RPS6KA2: variants seen among roughly 807,000 people sequenced by gnomAD.
RPS6KA2 encodes the protein ribosomal protein S6 kinase A2, also known as ribosomal protein S6 kinase alpha-2.
Under a neutral mutation model 91.8 loss-of-function variants are expected in RPS6KA2, and 42 were observed. The observed-to-expected ratio is 0.46, with a 90% CI of 0.36 to 0.59. The LOEUF (loss-of-function observed/expected upper bound fraction) is 0.59. RPS6KA2 is among the 20% of genes least tolerant of loss of function. The pLI is 0.00. For missense variants in RPS6KA2, 798 were observed against 978.5 expected (o/e 0.82, Z 2.46); for synonymous variants, 414 against 393.6 (o/e 1.05, Z -0.61).
At chr6:166,460,752 A>G (rs1448423486) in intron 11 of RPS6KA2, 1 of 152,250 alleles carries the variant, frequency 6.6e-6, no homozygotes, top group Admixed American at 6.5e-5. Flanking sequence ...CGCAGAAAAC[A>G]TCCAGCCTGG....
rs140620423 is a variant in RPS6KA2, at chr6:166,499,817, T to C, written c.604+1070A>G. On this transcript the variant is annotated intron_variant, in intron 7 of 20. Transcript: ENST00000265678. ...TAATACAGGGACTTTCAGAACAGAC[T>C]AATACAGGGACTTTGAGAACAGACT... Among the ~76,000 whole-genome samples, 101 of 129,468 alleles carry C rather than the reference T, an allele frequency of 7.8e-4. 4 individuals carry two copies. The East Asian group carries it at 0.025, about 32-fold the overall frequency. The allele number at this position is 129,468 out of a possible 152,430, so 84.9% of individuals were successfully genotyped here.
intron 11 of RPS6KA2, among the ~76,000 whole-genome samples, chr6:166,464,424 C>T (rs924468729): frequency 1.6e-4 from 25 of 152,112 alleles, no homozygotes; most frequent in African/African-American, 4.8e-4. Context: ...TCATGAATAA[C>T]GAATAACAGT....
At position 166,715,987 on chromosome 6, in the gene RPS6KA2, G is replaced by A. The variant is rs141593070; in HGVS notation, c.123+142213C>T. 4.4e-5 allele frequency among the ~76,000 whole-genome samples: 6 copies of A among 137,660 alleles called. No homozygotes were observed. In the East Asian group the frequency reaches 1.1e-3, roughly 25 times the overall value. The allele number at this position is 137,660 out of a possible 152,430, so 90.3% of individuals were successfully genotyped here. On this transcript the variant is annotated intron_variant, in intron 2 of 21. Coordinates refer to the RPS6KA2 transcript ENST00000503859. ...CTGGAGGTGGAGGTTGCAGTGAGCC[G>A]AGACTGCACCACTGCACTACAGCCT...
intron 2 of RPS6KA2, among the ~76,000 whole-genome samples, chr6:166,822,161 C>A (rs1779920901): frequency 6.6e-6 from 1 of 152,224 alleles, no homozygotes; most frequent in South Asian, 2.1e-4. Flanking sequence ...CTGACTCTAG[C>A]AATTCCATGC....
chr6:166,478,644 T>G (rs1426005813), intron 10 of RPS6KA2, among the ~76,000 whole-genome samples: 3 of 152,208 alleles, frequency 2.0e-5, no homozygotes, highest in Admixed American at 2.0e-4. Flanking sequence ...TCGGCTATTG[T>G]GCACCAGATA....
rs1346154640 is a variant in RPS6KA2, at chr6:166,494,635, G to A, written c.747+3873C>T. On this transcript the variant is annotated intron_variant, in intron 8 of 20. Coordinates refer to ENST00000265678, the MANE Select transcript of RPS6KA2 (RefSeq NM_021135.6). The surrounding 1 kb of genome is among the most constrained non-coding windows in gnomAD (Gnocchi z 5.1). ...ATGTCACCACGCAGCCGGCCACCAG[G>A]TTTGCACGTTCTTCTCCAGGTACCA... 2.0e-5 allele frequency among the ~76,000 whole-genome samples: 3 copies of A among 152,206 alleles called. No homozygotes were observed. Among genetic ancestry groups the A allele is most frequent in the Non-Finnish European group, 4.4e-5 (3 of 68,034 alleles).
At chr6:166,706,642 T>G (rs1789688157) in intron 2 of RPS6KA2, among the ~76,000 whole-genome samples, 1 of 152,114 alleles carries the variant, frequency 6.6e-6, no homozygotes, top group African/African-American at 2.4e-5. Context: ...CCCCCAGCCC[T>G]CCACGACTGG....
chr6:166,559,217 G>A (rs1784267230), intron 1 of RPS6KA2, among the ~76,000 whole-genome samples: 1 of 152,142 alleles, frequency 6.6e-6, no homozygotes, highest in African/African-American at 2.4e-5. Context: ...TGACACACCA[G>A]AACTACCGTA....
At chr6:166,473,195 A>ATT (rs11305958) in intron 10 of RPS6KA2, among the ~76,000 whole-genome samples, 18 of 149,272 alleles carry the variant, frequency 1.2e-4, no homozygotes, top group African/African-American at 4.4e-4. Context: ...CTGTGAATGG[A>ATT]TTTTTTTTTT....
At chr6:166,537,091 A>G (rs771510029) in intron 2 of RPS6KA2, among the ~76,000 whole-genome samples, 3 of 152,264 alleles carry the variant, frequency 2.0e-5, no homozygotes, top group Non-Finnish European at 4.4e-5. Context: ...AGAATTGGTC[A>G]ACCAAAGCCC....
intron 1 of RPS6KA2, among the ~76,000 whole-genome samples, chr6:166,597,328 G>T (rs1394386449): frequency 6.6e-6 from 1 of 152,216 alleles, no homozygotes; most frequent in East Asian, 1.9e-4. Flanking sequence ...GCTCATCTCT[G>T]AGGAGGTGGC....
In RPS6KA2 at chr6:166,473,716, G is replaced by T. The variant is rs1780855422; in HGVS notation, c.908-3811C>A. On this transcript the variant is annotated intron_variant, in intron 10 of 20. Coordinates refer to ENST00000265678, the MANE Select transcript of RPS6KA2 (RefSeq NM_021135.6). The stretch of plus-strand genomic sequence containing the variant: ...CCTTTGCAATATTTTCATTTTTGTT[G>T]TTTGAGAGTCACACAAACCCATCTC... Among the ~76,000 whole-genome samples the T allele has an allele frequency of 3.3e-5, 5 of 152,052 alleles. No individual in the cohort carries two copies. In the South Asian group the frequency reaches 1.0e-3, roughly 32 times the overall value.
At chr6:166,725,441 G>A (rs1034308162) in intron 2 of RPS6KA2, among the ~76,000 whole-genome samples, 3 of 152,186 alleles carry the variant, frequency 2.0e-5, no homozygotes, top group Non-Finnish European at 2.9e-5. Context: ...GCCTCTGGTC[G>A]CCACCCCTCA....
intron 3 of RPS6KA2, among the ~76,000 whole-genome samples, chr6:166,521,581 C>A (rs764753896): frequency 2.0e-5 from 3 of 152,216 alleles, no homozygotes; most frequent in Non-Finnish European, 4.4e-5. Flanking sequence ...AGGCACAGAG[C>A]TCGTGTGTTT....
chr6:166,747,189 C>T lies in RPS6KA2; in HGVS notation c.123+111011G>A, dbSNP rs1038126590. Among the ~76,000 whole-genome samples the T allele has an allele frequency of 2.0e-5, 3 of 152,176 alleles. No individual in the cohort carries two copies. The East Asian group carries it at 5.8e-4, about 29-fold the overall frequency. ...GGGGGTGGGGATGAAAGTCTCAACC[C>T]TCTAATCCTGCCTGTGGTCTCTGGG... On this transcript the variant is annotated intron_variant, in intron 2 of 21. Coordinates refer to the RPS6KA2 transcript ENST00000503859.
chr6:166,417,620 TAC>T (rs10568123), intron 19 of RPS6KA2, among the ~76,000 whole-genome samples: 69,687 of 148,216 alleles, frequency 0.47, 16,891 homozygotes, highest in East Asian at 0.68. Context: ...TCTCTCTCTA[TAC>T]ACACACACAC....
At chr6:166,475,711 G>A (rs1780947476) in intron 10 of RPS6KA2, 6 of 516,036 alleles carry the variant, frequency 1.2e-5, no homozygotes, top group South Asian at 8.8e-5. Context: ...GGGGGATTCA[G>A]TCTAGAACTC....
At chr6:166,671,719 A>G (rs1029325496) in intron 2 of RPS6KA2, among the ~76,000 whole-genome samples, 1 of 152,176 alleles carries the variant, frequency 6.6e-6, no homozygotes, top group Non-Finnish European at 1.5e-5. Context: ...CAGGGTGCAG[A>G]TATCAGGCTG....
At chr6:166,765,302 T>C (rs365697) in intron 2 of RPS6KA2, among the ~76,000 whole-genome samples, 100,807 of 152,042 alleles carry the variant, frequency 0.66, 35,306 homozygotes, top group African/African-American at 0.91. Context: ...AGCAGGTGCG[T>C]CCAGCACACC....
Sources: allele counts gnomAD v4.1 joint callset (sites outside exome capture counted in the v4.1 genomes callset), GRCh38; gene constraint gnomAD v4.1.1; non-coding constraint Gnocchi (gnomAD v3.1); transcripts MANE v1.5; gene names NCBI Gene and HGNC (gene_info 2026-07-23, HGNC 2026-07-21).